Variants in ZNF133 observed in about 807,000 individuals in gnomAD.
ZNF133 encodes the protein zinc finger protein 133.
In ZNF133, 26 loss-of-function variants were observed where a neutral mutation model predicts 54.9. That is an observed-to-expected ratio of 0.47 (90% CI 0.35 to 0.66). ZNF133 has a LOEUF of 0.66. Among genes scored for constraint, ZNF133 ranks in the 30% least tolerant of loss-of-function variants. The pLI is 0.01. For synonymous variants in ZNF133, 298 were observed against 320.3 expected (o/e 0.93, Z 0.74); for missense variants, 653 against 820.8 (o/e 0.80, Z 2.50).
intron 1 of ZNF133, among the ~76,000 whole-genome samples, chr20:18,293,798 T>C (rs1469244927): frequency 4.0e-5 from 6 of 151,746 alleles, no homozygotes; most frequent in Non-Finnish European, 8.8e-5. Context: ...AGTGATACTA[T>C]TGTATTATAA....
At chr20:18,288,643 C>T in intron 1 of ZNF133, 39 bp downstream of exon 1, 1 of 398,580 alleles carries the variant, frequency 2.5e-6, no homozygotes, top group Non-Finnish European at 4.4e-6. Context: ...CGCAGCCGTA[C>T]CCTTTTCTGC....
chr20:18,316,627 C>A lies in ZNF133; in HGVS notation c.1776C>A (p.His592Gln). The change falls in exon 7 of 7, where the codon CAC becomes CAA. Residue 592 changes from histidine to glutamine, a missense_variant. By Grantham distance (24) the His-to-Gln change is conservative. Transcript: ENST00000425686. ...GCCAAGGCTTTCTCCAAAAGTCACA[C>A]CTCACCTTACATCAAATGACACATA... ...ECGQGFLQKS[H>Q]LTLHQMTHTG... 6.2e-7 allele frequency: 1 copy of A among 1,614,052 alleles called. No individual in the cohort carries two copies. The highest frequency in any genetic ancestry group is 8.5e-7 in the Non-Finnish European group (1 of 1,180,018).
At chr20:18,313,338 C>A (rs1251974577) in intron 6 of ZNF133, 1 of 152,162 alleles carries the variant, frequency 6.6e-6, no homozygotes, top group Non-Finnish European at 1.5e-5. Context: ...TTCTGAAATA[C>A]ATTTAGTGTA....
intron 3 of ZNF133, among the ~76,000 whole-genome samples, chr20:18,303,636 C>A (rs766392576): frequency 2.0e-5 from 3 of 152,102 alleles, no homozygotes; most frequent in Non-Finnish European, 4.4e-5. Flanking sequence ...CAGAAATAAA[C>A]CCTTGCATAT....
chr20:18,315,318 G>A lies in ZNF133; in HGVS notation c.467G>A (p.Gly156Glu), dbSNP rs964581093. 7.4e-6 allele frequency: 12 copies of A among 1,613,968 alleles called. No homozygotes were observed. The highest frequency in any genetic ancestry group is 1.0e-5 in the Non-Finnish European group (12 of 1,180,012). ...GGAGAAGGTGCCATGCCTTTGTTTG[G>A]AAGAACCAAGAAAAGGACTCTGGGA... ...PEGEGAMPLFGRTKKRTLGAF... is the reference protein window; with the variant it reads ...PEGEGAMPLFERTKKRTLGAF... The change falls in exon 7 of 7, where the codon GGA (glycine) becomes GAA (glutamate). Residue 156 changes from glycine (G) to glutamate (E), a missense_variant. Coordinates refer to ENST00000425686, the MANE Select transcript of ZNF133 (RefSeq NM_001352452.2).
intron 2 of ZNF133, 50 bp downstream of exon 2, chr20:18,298,112 C>T (rs1304953400): frequency 6.5e-7 from 1 of 1,535,068 alleles, no homozygotes; most frequent in Non-Finnish European, 8.7e-7. Context: ...GGACACATTC[C>T]CTTCTCTTAC....
chr20:18,305,867 G>GA lies in ZNF133; in HGVS notation c.121+62dup. On this transcript the variant is annotated intron_variant, in intron 5 of 6. Transcript: ENST00000425686. The surrounding 1 kb of genome is among the most constrained non-coding windows in gnomAD (Gnocchi z 4.7). ...TTGCTGGGAATTTTAGGCTATGCTT[G>GA]AAGCAGCCATCTTGCTTTGTTACTT... 3.8e-6 allele frequency: 6 copies of GA among 1,559,112 alleles called. No individual in the cohort carries two copies. Among genetic ancestry groups the GA allele is most frequent in the Non-Finnish European group, 5.2e-6 (6 of 1,150,860 alleles).
chr20:18,298,524 C>T (rs2042688306), intron 3 of ZNF133, 60 bp downstream of exon 3: 2 of 169,640 alleles, frequency 1.2e-5, no homozygotes, highest in Admixed American at 1.2e-4. Flanking sequence ...TCCACCCTGC[C>T]AGCCCTATGG....
intron 6 of ZNF133, 35 bp downstream of exon 6, chr20:18,306,428 G>A (rs749934334): frequency 1.9e-6 from 3 of 1,592,384 alleles, no homozygotes; most frequent in South Asian, 1.1e-5. Flanking sequence ...TGAGACATGA[G>A]CTCAGCAGCT....
chr20:18,313,532 TG>T (rs1474351871), intron 6 of ZNF133: 2 of 152,208 alleles, frequency 1.3e-5, no homozygotes, highest in Non-Finnish European at 1.5e-5. Flanking sequence ...TACTTACCCA[TG>T]ACTATGCCCT....
At position 18,305,761 on chromosome 20, in the gene ZNF133, G is replaced by A. The variant is rs756713311; in HGVS notation, c.75G>A (p.Leu25=). 1.9e-6 allele frequency: 3 copies of A among 1,614,148 alleles called. No homozygotes were observed. Among genetic ancestry groups the A allele is most frequent in the South Asian group, 1.1e-5 (1 of 91,074 alleles). Residue 25 remains leucine (L), a synonymous_variant, in exon 5 of 7, where the codon CTG becomes CTA. Transcript: ENST00000425686. The surrounding 1 kb of genome is among the most constrained non-coding windows in gnomAD (Gnocchi z 4.7). The stretch of plus-strand genomic sequence containing the variant: ...TGCTGAGCCCTGCTCAAAGGACTCT[G>A]TACAGAGAGGTGATGCTGGAGAACT... ...WRLLSPAQRT[L]YREVMLENYS...
chr20:18,291,485 C>G (rs2040972672), intron 1 of ZNF133, among the ~76,000 whole-genome samples: 2 of 152,170 alleles, frequency 1.3e-5, no homozygotes, highest in South Asian at 4.1e-4. Context: ...GCCTGCTCCT[C>G]CTCTGTCTCC....
At chr20:18,313,489 A>G (rs562926639) in intron 6 of ZNF133, 1 of 152,372 alleles carries the variant, frequency 6.6e-6, no homozygotes, top group Non-Finnish European at 1.5e-5. Flanking sequence ...AACTCAGGAC[A>G]GACACAGGAG....
intron 6 of ZNF133, chr20:18,306,607 G>A: frequency 1.1e-6 from 1 of 941,946 alleles, no homozygotes; most frequent in South Asian, 1.8e-5. Context: ...TCCTCCACTA[G>A]GAAGCCTTTT....
At chr20:18,312,013 T>C (rs2046163210) in intron 6 of ZNF133, among the ~76,000 whole-genome samples, 1 of 152,100 alleles carries the variant, frequency 6.6e-6, no homozygotes, top group Non-Finnish European at 1.5e-5. Context: ...GTTTGTTTGG[T>C]TGGTTGGTTG....
chr20:18,301,251 T>A (rs989410271), intron 3 of ZNF133, among the ~76,000 whole-genome samples: 3 of 152,178 alleles, frequency 2.0e-5, no homozygotes, highest in East Asian at 1.9e-4. Flanking sequence ...AAACACAACA[T>A]AGGAAAACTT....
chr20:18,289,779 G>A (rs924781862), intron 1 of ZNF133: 2 of 152,244 alleles, frequency 1.3e-5, no homozygotes, highest in African/African-American at 4.8e-5. Context: ...CAGGCACAGA[G>A]AAGGTCGCTT....
chr20:18,310,976 A>G (rs148859701), intron 6 of ZNF133, among the ~76,000 whole-genome samples: 79 of 152,268 alleles, frequency 5.2e-4, no homozygotes, highest in African/African-American at 1.9e-3. Context: ...CTTGTTATTT[A>G]TATTGACTAA....
At chr20:18,303,823 GA>G (rs1478502259) in intron 3 of ZNF133, among the ~76,000 whole-genome samples, 1 of 152,114 alleles carries the variant, frequency 6.6e-6, no homozygotes, top group African/African-American at 2.4e-5. Context: ...ACATAAATGT[GA>G]AAACTATAAA....
Sources: gnomAD v4.1 joint callset for allele counts (sites outside exome capture counted in the v4.1 genomes callset) on GRCh38, gnomAD v4.1.1 for gene constraint, Gnocchi (gnomAD v3.1) non-coding constraint, MANE v1.5 for transcripts, NCBI Gene and HGNC (gene_info 2026-07-23, HGNC 2026-07-21) for gene names.